The following TVP23C variants were observed in gnomAD, a reference collection of about 807,000 sequenced individuals.
The protein encoded by TVP23C is Golgi apparatus membrane protein TVP23 homolog C.
TVP23C carries 19 observed loss-of-function variants against 28.7 expected under a neutral mutation model. The ratio of observed to expected loss-of-function variants is 0.66; its 90% CI spans 0.46 to 0.97. The LOEUF (loss-of-function observed/expected upper bound fraction) is 0.97. Among genes scored for constraint, TVP23C ranks in the 50% least tolerant of loss-of-function variants. The pLI is 0.00. For synonymous variants in TVP23C, 68 were observed against 81.7 expected (o/e 0.83, Z 0.90); for missense variants, 186 against 241.3 (o/e 0.77, Z 1.52).
At chr17:15,530,084 CCA>C (rs1263686652) in intron 5 of TVP23C, among the ~76,000 whole-genome samples, 41 of 152,290 alleles carry the variant, frequency 2.7e-4, no homozygotes, top group African/African-American at 9.6e-4. Flanking sequence ...CAGGCGTGAG[CCA>C]CTGTGCCCAG....
At chr17:15,518,495 G>C (rs1489746462) in intron 5 of TVP23C, among the ~76,000 whole-genome samples, 1 of 152,200 alleles carries the variant, frequency 6.6e-6, no homozygotes, top group East Asian at 1.9e-4. Context: ...GAAAGCAGAT[G>C]ACAGCTGGGC....
intron 1 of TVP23C, among the ~76,000 whole-genome samples, chr17:15,561,684 G>GTTGTGTCAACATT (rs1984405156): frequency 6.8e-6 from 1 of 146,058 alleles, no homozygotes; most frequent in Non-Finnish European, 1.5e-5. Flanking sequence ...CAGTCAACAT[G>GTTGTGTCAACATT]GTTGTGTTTC....
chr17:15,532,751 A>G (rs1982999498), downstream of TVP23C, among the ~76,000 whole-genome samples: 1 of 152,156 alleles, frequency 6.6e-6, no homozygotes, highest in South Asian at 2.1e-4. Flanking sequence ...GATTTTTTTA[A>G]TGGGATATAT....
chr17:15,562,641 A>G (rs1300141839), intron 1 of TVP23C: 1 of 152,238 alleles, frequency 6.6e-6, no homozygotes, highest in African/African-American at 2.4e-5. Context: ...CATAAATCTT[A>G]GTTGTCCTAT....
chr17:15,557,585 C>T (rs1339110378), intron 1 of TVP23C, among the ~76,000 whole-genome samples: 1 of 148,320 alleles, frequency 6.7e-6, no homozygotes, highest in African/African-American at 2.4e-5. Context: ...AGGTGTGAGC[C>T]ACCACGCCCA....
At chr17:15,503,556 C>CA (rs1016748848) in intron 5 of TVP23C, 48 of 185,090 alleles carry the variant, frequency 2.6e-4, no homozygotes, top group Non-Finnish European at 4.5e-4. Flanking sequence ...TTTCAACTTT[C>CA]AAAAAAAATT....
Position 15,540,564 on chromosome 17 carries a change from G to A in TVP23C, c.463-3C>T. On this transcript the variant is annotated splice_polypyrimidine_tract_variant and splice_region_variant and intron_variant, in intron 5 of 5. Transcript: ENST00000518321. ...ACCACACCCATAATAACCACCGCCT[G>A]GGACAAGGGAAAAAAATAATCAACG... The A allele has an allele frequency of 6.2e-7, 1 of 1,612,230 alleles. No individual in the cohort carries two copies. Among genetic ancestry groups the A allele is most frequent in the Non-Finnish European group, 8.5e-7 (1 of 1,179,134 alleles).
At chr17:15,545,524 T>C (rs1266588402) in intron 5 of TVP23C, among the ~76,000 whole-genome samples, 2 of 152,304 alleles carry the variant, frequency 1.3e-5, no homozygotes, top group African/African-American at 4.8e-5. Context: ...CAGCAATAGG[T>C]AACCAAAACA....
chr17:15,539,990 G>A lies in TVP23C; in HGVS notation c.*422C>T. 1.3e-5 allele frequency: 6 copies of A among 475,350 alleles called. No individual in the cohort carries two copies. The highest frequency in any genetic ancestry group is 1.7e-5 in the Non-Finnish European group (6 of 351,352). 29.4% of individuals were successfully genotyped at this position (475,350 alleles called of 1,614,324 possible). ...CGCCTGTAATCCCAGCTACTCATAA[G>A]GCTGAGGCAGGAGAATCACATGAAC... On this transcript the variant is annotated 3_prime_UTR_variant, in exon 6 of 6. Transcript: ENST00000518321.
At chr17:15,520,696 T>C (rs1982438144) in intron 5 of TVP23C, among the ~76,000 whole-genome samples, 1 of 152,164 alleles carries the variant, frequency 6.6e-6, no homozygotes, top group Admixed American at 6.5e-5. Context: ...CCATTAACTG[T>C]GATATTATAA....
intron 5 of TVP23C, among the ~76,000 whole-genome samples, chr17:15,542,233 T>C (rs1434332880): frequency 6.6e-6 from 1 of 152,054 alleles, no homozygotes; most frequent in Non-Finnish European, 1.5e-5. Flanking sequence ...GAAATAGCCA[T>C]GACAGCAGAA....
intron 5 of TVP23C, among the ~76,000 whole-genome samples, chr17:15,507,795 C>T (rs1981827609): frequency 3.9e-5 from 6 of 151,906 alleles, no homozygotes; most frequent in Admixed American, 3.9e-4. Context: ...GCCGAGATGG[C>T]GCCACTGCAC....
downstream of TVP23C, among the ~76,000 whole-genome samples, chr17:15,533,866 G>A (rs898976088): frequency 8.5e-5 from 13 of 152,216 alleles, no homozygotes; most frequent in Non-Finnish European, 1.5e-4. Context: ...AGAAGGAACA[G>A]AGTGATCTAA....
At chr17:15,502,632 C>G (rs1283508377) in exon 6 of TVP23C, 7 of 659,450 alleles carry the variant, frequency 1.1e-5, no homozygotes, top group Non-Finnish European at 1.4e-5. Flanking sequence ...GGAAAGCGGA[C>G]GCTTGCAGGG....
intron 5 of TVP23C, chr17:15,503,617 TGAAG>T (rs1981590781): frequency 6.4e-6 from 1 of 156,994 alleles, no homozygotes; most frequent in Non-Finnish European, 1.4e-5. Flanking sequence ...TCAAATTCTT[TGAAG>T]GATGGGGATT....
intron 2 of TVP23C, among the ~76,000 whole-genome samples, chr17:15,554,342 A>G (rs1419486303): frequency 6.9e-6 from 1 of 144,290 alleles, no homozygotes; most frequent in Non-Finnish European, 1.5e-5. Flanking sequence ...GGTTCACGCC[A>G]TTGTCCTGCC....
At position 15,547,110 on chromosome 17, in the gene TVP23C, C is replaced by T; in HGVS notation, c.279G>A (p.Trp93Ter). The T allele has an allele frequency of 1.9e-6, 3 of 1,609,284 alleles. No individual in the cohort carries two copies. The highest frequency in any genetic ancestry group is 2.5e-6 in the Non-Finnish European group (3 of 1,178,686). The change falls in exon 4 of 6, where the codon TGG (tryptophan) becomes TGA (stop). Residue 93 changes from tryptophan to a stop codon, truncating the protein, a stop_gained. Coordinates refer to ENST00000518321, the MANE Select transcript of TVP23C (RefSeq NM_001135036.2). LOFTEE classifies it high-confidence loss of function. The part of the protein sequence containing the change: ...TGRLMVGLRW[W>*]NHIDEDGKSH... ...TCTTTCCATCTTCATCAATGTGATT[C>T]CACCAACGTAGGCCAACCATTAGTC... is the stretch of plus-strand genomic sequence containing the variant.
rs1046051967 is a variant in TVP23C, at chr17:15,557,551, AC to A, written c.13-2188del. 3.4e-5 allele frequency among the ~76,000 whole-genome samples: 5 copies of A among 146,974 alleles called. 1 individual carries two copies. The highest frequency in any genetic ancestry group is 4.6e-5 in the Non-Finnish European group (3 of 65,880). On this transcript the variant is annotated intron_variant, in intron 1 of 5. Transcript: ENST00000518321. ...TGACCTCCAGGGATCCGCCCACCTCACCCCCCCATAGTGCTGGGATTATAGG... is the reference window on the plus strand; with the variant it reads ...TGACCTCCAGGGATCCGCCCACCTCACCCCCCATAGTGCTGGGATTATAGG...
At chr17:15,554,874 A>T (rs1984059673) in intron 2 of TVP23C, among the ~76,000 whole-genome samples, 1 of 152,258 alleles carries the variant, frequency 6.6e-6, no homozygotes, top group Admixed American at 6.5e-5. Flanking sequence ...ACAGCATTTT[A>T]GCAGGGTTCA....
Sources: allele counts gnomAD v4.1 joint callset (sites outside exome capture counted in the v4.1 genomes callset), GRCh38; gene constraint gnomAD v4.1.1; transcripts MANE v1.5; gene names NCBI Gene and HGNC (gene_info 2026-07-23, HGNC 2026-07-21).